The following EML1 variants were observed in gnomAD, a reference collection of about 807,000 sequenced individuals.
EML1 encodes the protein echinoderm microtubule-associated protein-like 1.
A neutral mutation model predicts 110.4 loss-of-function variants in EML1; 27 were observed. The ratio of observed to expected loss-of-function variants is 0.24; its 90% confidence interval spans 0.18 to 0.34. The LOEUF is 0.34. Ranked by LOEUF, EML1 falls within the 10% of genes least tolerant of loss-of-function variation. The pLI is 1.00. For missense variants in EML1, 741 were observed against 1,030.9 expected (o/e 0.72, Z 3.85); for synonymous variants, 344 against 385.8 (o/e 0.89, Z 1.27).
rs192950350 is a variant in EML1, at chr14:99,823,507, G to A, written c.68-27346G>A. On this transcript the variant is annotated intron_variant, in intron 1 of 21. Coordinates refer to ENST00000262233, the MANE Select transcript of EML1 (RefSeq NM_004434.3). ...ATTGGATAAAGTATCAAATAATACCGATCCTAACAGTCTTGATCATTGTAG... is the reference window on the plus strand; with the variant it reads ...ATTGGATAAAGTATCAAATAATACCAATCCTAACAGTCTTGATCATTGTAG... Among the ~76,000 whole-genome samples the A allele has an allele frequency of 3.2e-4, 49 of 152,112 alleles. No individual in the cohort carries two copies. In the East Asian group the frequency reaches 4.3e-3, roughly 13 times the overall value.
At chr14:99,794,469 C>T (rs780675625) in intron 1 of EML1, among the ~76,000 whole-genome samples, 3 of 151,864 alleles carry the variant, frequency 2.0e-5, no homozygotes, top group African/African-American at 7.3e-5. Flanking sequence ...AATTCTAGAC[C>T]CTTTGACAAC....
At chr14:99,829,957 C>A (rs185569786) in intron 1 of EML1, among the ~76,000 whole-genome samples, 15 of 152,274 alleles carry the variant, frequency 9.9e-5, no homozygotes, top group Non-Finnish European at 5.9e-5. Flanking sequence ...TTGAACATAG[C>A]TTTGAAATAC....
chr14:99,804,757 T>C (rs1167484745), intron 1 of EML1, among the ~76,000 whole-genome samples: 2 of 152,182 alleles, frequency 1.3e-5, no homozygotes, highest in Non-Finnish European at 2.9e-5. Flanking sequence ...CTGAACAGAT[T>C]TCCTTGTCTT....
chr14:99,898,974 T>G (rs1300472415), intron 8 of EML1, among the ~76,000 whole-genome samples: 1 of 152,212 alleles, frequency 6.6e-6, no homozygotes, highest in African/African-American at 2.4e-5. Context: ...TCAGCCACCC[T>G]CTGCCCTGTC....
chr14:99,862,279 A>G (rs73358451), intron 2 of EML1, among the ~76,000 whole-genome samples: 3,487 of 152,306 alleles, frequency 0.023, 137 homozygotes, highest in African/African-American at 0.08. Context: ...GCATGCTATC[A>G]ACATGGCTCA....
chr14:99,806,360 G>A (rs928903646), intron 1 of EML1, among the ~76,000 whole-genome samples: 10 of 143,940 alleles, frequency 6.9e-5, no homozygotes, highest in African/African-American at 1.3e-4. Flanking sequence ...TTGTTGCCCA[G>A]GCTGGAGTGC....
At chr14:99,861,532 AG>A (rs966971296) in intron 2 of EML1, among the ~76,000 whole-genome samples, 4 of 152,160 alleles carry the variant, frequency 2.6e-5, no homozygotes, top group African/African-American at 9.7e-5. Context: ...CCCAGGCTGG[AG>A]TGCAGTGACA....
chr14:99,793,761 G>C (rs1391475943), intron 1 of EML1, among the ~76,000 whole-genome samples: 8 of 144,784 alleles, frequency 5.5e-5, no homozygotes, highest in Non-Finnish European at 9.1e-5. Context: ...CGGGCTCCCC[G>C]CCGCCACCCC....
rs1435936812 is a variant in EML1, at chr14:99,827,869, T to A, written c.68-22984T>A. Among the ~76,000 whole-genome samples the A allele has an allele frequency of 1.3e-5, 2 of 152,128 alleles. No individual in the cohort carries two copies. Among genetic ancestry groups the A allele is most frequent in the Non-Finnish European group, 2.9e-5 (2 of 68,032 alleles). ...TGTAGAGTGTGCAGACCCGCAGGCA[T>A]GGGTCCCGTGAGCACCCAGCAGGGT... On this transcript the variant is annotated intron_variant, in intron 1 of 21. Coordinates refer to ENST00000262233, the MANE Select transcript of EML1 (RefSeq NM_004434.3). This position sits in a 1 kb window ranked among gnomAD's most constrained non-coding sequence, Gnocchi z 4.4.
chr14:99,813,544 G>A (rs2058116661), intron 1 of EML1, among the ~76,000 whole-genome samples: 1 of 151,988 alleles, frequency 6.6e-6, no homozygotes, highest in African/African-American at 2.4e-5. Context: ...GTGAGACCCG[G>A]TCTCTATAAA....
chr14:99,911,149 T>C (rs750261115), intron 12 of EML1, among the ~76,000 whole-genome samples: 9 of 152,170 alleles, frequency 5.9e-5, no homozygotes, highest in Non-Finnish European at 1.2e-4. Context: ...ACTAGAGAGC[T>C]GGGATCTAAA....
At position 99,901,936 on chromosome 14, in the gene EML1, CT is replaced by C. The variant is rs2059770621; in HGVS notation, c.1008+898del. On this transcript the variant is annotated intron_variant, in intron 9 of 21. Coordinates refer to ENST00000262233, the MANE Select transcript of EML1 (RefSeq NM_004434.3). The stretch of plus-strand genomic sequence containing the variant: ...TTCAAATGCCTCTGACATTTCTCCC[CT>C]CCCTTTTATAAGAGAATCCTTAATC... Among the ~76,000 whole-genome samples the C allele has an allele frequency of 3.9e-5, 6 of 152,270 alleles. No individual in the cohort carries two copies. The South Asian group carries it at 1.2e-3, about 32-fold the overall frequency.
chr14:99,752,413 A>G (rs1318245388), intron 1 of EML1, among the ~76,000 whole-genome samples: 1 of 152,206 alleles, frequency 6.6e-6, no homozygotes, highest in African/African-American at 2.4e-5. Flanking sequence ...ATTTCAGATA[A>G]ACAACAACTG....
intron 4 of EML1, chr14:99,886,115 A>C (rs574541113): frequency 4.2e-5 from 11 of 260,846 alleles, no homozygotes; most frequent in Non-Finnish European, 6.8e-5. Flanking sequence ...ATTTTTGTAG[A>C]GTCATTATTT....
chr14:99,796,714 A>T (rs2139673189), intron 1 of EML1, among the ~76,000 whole-genome samples: 1 of 151,802 alleles, frequency 6.6e-6, no homozygotes, highest in East Asian at 1.9e-4. Flanking sequence ...AAAAGTGAAC[A>T]GTAGCTATCC....
At chr14:99,813,264 A>C (rs1390714164) in intron 1 of EML1, among the ~76,000 whole-genome samples, 1 of 152,104 alleles carries the variant, frequency 6.6e-6, no homozygotes, top group Non-Finnish European at 1.5e-5. Context: ...TTAAGGAAAA[A>C]ACCCCCAGCC....
At chr14:99,765,893 C>T (rs146427062) in intron 1 of EML1, among the ~76,000 whole-genome samples, 91 of 152,176 alleles carry the variant, frequency 6.0e-4, no homozygotes, top group Middle Eastern at 6.8e-3. Flanking sequence ...CATGAGCCAC[C>T]GTGGCTGGCC....
chr14:99,773,236 A>G (rs750641774), exon 1 of EML1: 11 of 152,238 alleles, frequency 7.2e-5, no homozygotes, highest in Non-Finnish European at 1.3e-4. Flanking sequence ...TCTGGCCCTC[A>G]TTTCATAAAA....
At chr14:99,849,052 T>C (rs2058748842) in intron 1 of EML1, among the ~76,000 whole-genome samples, 1 of 152,192 alleles carries the variant, frequency 6.6e-6, no homozygotes, top group African/African-American at 2.4e-5. Context: ...CAGGTATTTA[T>C]CATTTCCAGT....
Sources: allele counts gnomAD v4.1 joint callset (sites outside exome capture counted in the v4.1 genomes callset), GRCh38; gene constraint gnomAD v4.1.1; non-coding constraint Gnocchi (gnomAD v3.1); transcripts MANE v1.5; gene names NCBI Gene and HGNC (gene_info 2026-07-23, HGNC 2026-07-21).